MACROD2: variants seen among roughly 807,000 people sequenced by gnomAD.
The protein encoded by MACROD2 is ADP-ribose glycohydrolase MACROD2.
MACROD2 carries 36 observed loss-of-function variants against 70.4 expected under a neutral mutation model. The observed-to-expected ratio is 0.51, with a 90% CI of 0.39 to 0.68. The LOEUF (loss-of-function observed/expected upper bound fraction) is 0.68. Among genes scored for constraint, MACROD2 ranks in the 30% least tolerant of loss-of-function variants. The pLI, the probability that MACROD2 is intolerant of heterozygous loss-of-function variation, is 0.00. For synonymous variants in MACROD2, 172 were observed against 178.8 expected (o/e 0.96, Z 0.30); for missense variants, 496 against 538.4 (o/e 0.92, Z 0.78).
chr20:14,251,538 C>T (rs2082012211), intron 3 of MACROD2, among the ~76,000 whole-genome samples: 1 of 151,966 alleles, frequency 6.6e-6, no homozygotes, highest in Admixed American at 6.6e-5. Context: ...TATAATATTT[C>T]TACATATGTT....
At chr20:14,109,498 C>T (rs2054418789) in intron 3 of MACROD2, among the ~76,000 whole-genome samples, 1 of 151,056 alleles carries the variant, frequency 6.6e-6, no homozygotes, top group Non-Finnish European at 1.5e-5. Context: ...TAAAATGAAC[C>T]CATATTTAGC....
At chr20:14,475,299 A>T (rs2084578648) in intron 3 of MACROD2, among the ~76,000 whole-genome samples, 1 of 150,696 alleles carries the variant, frequency 6.6e-6, no homozygotes, top group Non-Finnish European at 1.5e-5. Context: ...CACAATTTAC[A>T]TCTTTTTATG....
At chr20:15,448,819 G>C (rs566032007) in intron 7 of MACROD2, among the ~76,000 whole-genome samples, 2 of 152,014 alleles carry the variant, frequency 1.3e-5, no homozygotes, top group Non-Finnish European at 2.9e-5. Context: ...TTTTCTTATA[G>C]GACATACAAC....
intron 5 of MACROD2, among the ~76,000 whole-genome samples, chr20:15,074,530 G>A (rs767122817): frequency 2.0e-5 from 3 of 152,150 alleles, no homozygotes; most frequent in Non-Finnish European, 4.4e-5. Context: ...AGAGCTGGTG[G>A]TCAGAAGCAC....
intron 6 of MACROD2, among the ~76,000 whole-genome samples, chr20:15,263,788 A>C: frequency 6.6e-6 from 1 of 152,042 alleles, no homozygotes; most frequent in African/African-American, 2.4e-5. Flanking sequence ...TATTTTACTC[A>C]TGGCTATTAA....
chr20:15,562,758 C>G (rs189957661), intron 8 of MACROD2, among the ~76,000 whole-genome samples: 3 of 152,290 alleles, frequency 2.0e-5, no homozygotes, highest in Admixed American at 6.5e-5. Context: ...TATGTGTTAT[C>G]TAATGGAAAT....
intron 2 of MACROD2, among the ~76,000 whole-genome samples, chr20:14,010,356 G>T (rs1271000174): frequency 2.0e-5 from 3 of 152,028 alleles, no homozygotes; most frequent in Admixed American, 6.6e-5. Flanking sequence ...AGGATGGGGG[G>T]CTGGTTGGTC....
intron 8 of MACROD2, among the ~76,000 whole-genome samples, chr20:15,535,251 C>T (rs2047858543): frequency 6.6e-6 from 1 of 152,040 alleles, no homozygotes; most frequent in Admixed American, 6.6e-5. Context: ...GCTGGGATTA[C>T]AGGCATGAGC....
At chr20:15,695,408 CTTCTT>C (rs2050353737) in intron 8 of MACROD2, among the ~76,000 whole-genome samples, 1 of 140,078 alleles carries the variant, frequency 7.1e-6, no homozygotes. Flanking sequence ...TTTTCTTCTT[CTTCTT>C]TTTTTTTTTT....
Position 15,187,983 on chromosome 20 carries a change from T to A in MACROD2, c.419-41957T>A, listed in dbSNP as rs927993983. 2.0e-5 allele frequency among the ~76,000 whole-genome samples: 3 copies of A among 152,126 alleles called. No individual in the cohort carries two copies. In the South Asian group the frequency reaches 6.2e-4, roughly 31 times the overall value. ...TTAATTATCCTGGATTCTCCCTCCATCCATCCCCTACACACGAATGTAATG... is the reference window on the plus strand; with the variant it reads ...TTAATTATCCTGGATTCTCCCTCCAACCATCCCCTACACACGAATGTAATG... On this transcript the variant is annotated intron_variant, in intron 5 of 17. Transcript: ENST00000684519.
chr20:14,045,248 T>C (rs140064387), intron 2 of MACROD2, among the ~76,000 whole-genome samples: 1,797 of 152,346 alleles, frequency 0.012, 40 homozygotes, highest in African/African-American at 0.041. Context: ...AGCGGTGGGC[T>C]GAAGGGCCCC....
At chr20:14,904,411 A>G (rs949632290) in intron 5 of MACROD2, among the ~76,000 whole-genome samples, 11 of 152,194 alleles carry the variant, frequency 7.2e-5, no homozygotes, top group Admixed American at 2.0e-4. Flanking sequence ...TCTTTGACAA[A>G]TCACTGTGCC....
At chr20:14,095,094 C>T (rs1212557290) in intron 3 of MACROD2, among the ~76,000 whole-genome samples, 1 of 152,146 alleles carries the variant, frequency 6.6e-6, no homozygotes, top group African/African-American at 2.4e-5. Flanking sequence ...CTCCATCCTT[C>T]CAATCTTGAA....
intron 15 of MACROD2, among the ~76,000 whole-genome samples, chr20:16,027,941 G>A (rs1356922548): frequency 6.6e-6 from 1 of 152,190 alleles, no homozygotes; most frequent in Admixed American, 6.5e-5. Flanking sequence ...CCCTGGAGGG[G>A]TGGAGAATGC....
intron 4 of MACROD2, among the ~76,000 whole-genome samples, chr20:14,586,164 A>G (rs774872580): frequency 6.6e-6 from 1 of 152,038 alleles, no homozygotes; most frequent in Non-Finnish European, 1.5e-5. Flanking sequence ...AACAATATGT[A>G]TATTTTCATC....
At chr20:15,574,220 T>C (rs902073045) in intron 8 of MACROD2, among the ~76,000 whole-genome samples, 6 of 152,114 alleles carry the variant, frequency 3.9e-5, no homozygotes, top group African/African-American at 1.4e-4. Flanking sequence ...TAATGATTTT[T>C]TTTTACCCCA....
chr20:15,023,044 A>G (rs911870533), intron 5 of MACROD2: 6 of 152,010 alleles, frequency 3.9e-5, no homozygotes, highest in Non-Finnish European at 8.8e-5. Flanking sequence ...CCACAATTCT[A>G]TACCCATGTT....
intron 7 of MACROD2, among the ~76,000 whole-genome samples, chr20:15,455,172 C>T (rs982691984): frequency 6.6e-6 from 1 of 152,150 alleles, no homozygotes; most frequent in Admixed American, 6.6e-5. Context: ...AGACACTGGG[C>T]GTGCAGGCAG....
intron 5 of MACROD2, among the ~76,000 whole-genome samples, chr20:14,729,529 T>A (rs2123699186): frequency 6.6e-6 from 1 of 152,242 alleles, no homozygotes; most frequent in South Asian, 2.1e-4. Flanking sequence ...TCTTAACGTC[T>A]CTGTGGGGGT....
Sources: allele counts gnomAD v4.1 joint callset (sites outside exome capture counted in the v4.1 genomes callset), GRCh38; gene constraint gnomAD v4.1.1; transcripts MANE v1.5; gene names NCBI Gene and HGNC (gene_info 2026-07-23, HGNC 2026-07-21).